Variants in GPC5 observed in about 807,000 individuals in gnomAD.
GPC5 encodes the protein glypican-5.
A neutral mutation model predicts 53.9 loss-of-function variants in GPC5; 47 were observed. That is an observed-to-expected ratio of 0.87 (90% CI 0.69 to 1.11). The LOEUF (loss-of-function observed/expected upper bound fraction) is 1.11, where lower values mean the gene tolerates loss of function less well. Ranked by LOEUF, GPC5 falls within the 50% of genes most tolerant of loss-of-function variation. The pLI is 0.00. For missense variants in GPC5, 748 were observed against 713.1 expected (o/e 1.05, Z -0.56); for synonymous variants, 286 against 263.3 (o/e 1.09, Z -0.84).
At chr13:92,171,007 T>C (rs1407553099) in intron 7 of GPC5, among the ~76,000 whole-genome samples, 2 of 152,154 alleles carry the variant, frequency 1.3e-5, no homozygotes, top group Non-Finnish European at 2.9e-5. Flanking sequence ...TCATGTACTG[T>C]GTAGAAGCTG....
At chr13:92,155,685 T>C (rs2041939332) in intron 7 of GPC5, among the ~76,000 whole-genome samples, 2 of 152,174 alleles carry the variant, frequency 1.3e-5, no homozygotes, top group African/African-American at 4.8e-5. Context: ...CTTAAGATAT[T>C]ATTAGTGGTG....
At chr13:92,863,939 G>A (rs1439070014) in intron 7 of GPC5, among the ~76,000 whole-genome samples, 1 of 152,118 alleles carries the variant, frequency 6.6e-6, no homozygotes, top group African/African-American at 2.4e-5. Context: ...GTGTGTTGCT[G>A]TTATGCATAT....
chr13:92,486,701 G>A (rs753148026), intron 7 of GPC5, among the ~76,000 whole-genome samples: 15 of 152,148 alleles, frequency 9.9e-5, no homozygotes, highest in Non-Finnish European at 1.5e-4. Context: ...AATATGAATC[G>A]TGCTCTACTG....
intron 3 of GPC5, among the ~76,000 whole-genome samples, chr13:91,702,080 C>T (rs977762092): frequency 3.3e-5 from 5 of 152,064 alleles, no homozygotes; most frequent in African/African-American, 1.2e-4. Flanking sequence ...CACCTCTTGG[C>T]CATTTGTATG....
chr13:91,730,456 G>C (rs928065447), intron 4 of GPC5, among the ~76,000 whole-genome samples: 1 of 151,936 alleles, frequency 6.6e-6, no homozygotes, highest in African/African-American at 2.4e-5. Flanking sequence ...ACTTCTATTC[G>C]AGCCTAGTCT....
chr13:92,271,369 T>C (rs989223021), intron 7 of GPC5, among the ~76,000 whole-genome samples: 8 of 152,214 alleles, frequency 5.3e-5, no homozygotes, highest in African/African-American at 1.9e-4. Context: ...AAATGAATAA[T>C]CTGTTTCTAA....
At chr13:92,315,275 G>A (rs781717057) in intron 7 of GPC5, among the ~76,000 whole-genome samples, 1 of 152,174 alleles carries the variant, frequency 6.6e-6, no homozygotes, top group Non-Finnish European at 1.5e-5. Flanking sequence ...TAATAGCAGT[G>A]GGACTGGGGA....
At chr13:92,041,040 CAG>C (rs1594739751) in intron 6 of GPC5, among the ~76,000 whole-genome samples, 1 of 151,900 alleles carries the variant, frequency 6.6e-6, no homozygotes, top group East Asian at 1.9e-4. Context: ...TTAGGAGAGA[CAG>C]GGTTTCACCA....
chr13:91,443,443 A>G (rs1254521737), intron 1 of GPC5, among the ~76,000 whole-genome samples: 1 of 152,154 alleles, frequency 6.6e-6, no homozygotes, highest in African/African-American at 2.4e-5. Flanking sequence ...GAACTGTGAG[A>G]AAATAAATTT....
chr13:91,972,319 G>A (rs1413897446), intron 6 of GPC5, among the ~76,000 whole-genome samples: 3 of 151,998 alleles, frequency 2.0e-5, no homozygotes, highest in Non-Finnish European at 2.9e-5. Context: ...CATTTTCTTA[G>A]TAGATCTTCC....
intron 7 of GPC5, among the ~76,000 whole-genome samples, chr13:92,656,609 T>G (rs1344158894): frequency 6.6e-6 from 1 of 152,224 alleles, no homozygotes; most frequent in Non-Finnish European, 1.5e-5. Flanking sequence ...TGCTTTTCTA[T>G]TCTTTCAAAT....
chr13:92,111,143 G>A (rs1397950060), intron 6 of GPC5, among the ~76,000 whole-genome samples: 1 of 152,118 alleles, frequency 6.6e-6, no homozygotes, highest in African/African-American at 2.4e-5. Context: ...TAATATAGAG[G>A]CTTCATGATA....
intron 7 of GPC5, among the ~76,000 whole-genome samples, chr13:92,220,351 A>G (rs2042439968): frequency 6.6e-6 from 1 of 152,212 alleles, no homozygotes; most frequent in African/African-American, 2.4e-5. Flanking sequence ...ACCATGTTTG[A>G]GTTAAAACAC....
chr13:91,977,947 TAAAA>T (rs775912784), intron 6 of GPC5, among the ~76,000 whole-genome samples: 3 of 92,704 alleles, frequency 3.2e-5, no homozygotes, highest in Non-Finnish European at 6.0e-5. Flanking sequence ...CCGCCATCTC[TAAAA>T]GAAAAAAGAA....
chr13:92,009,395 C>T (rs978907848), intron 6 of GPC5, among the ~76,000 whole-genome samples: 3 of 151,678 alleles, frequency 2.0e-5, no homozygotes, highest in African/African-American at 4.8e-5. Flanking sequence ...CTTGAATAGC[C>T]TTTGTTCTGA....
chr13:92,427,334 T>C (rs1311614524), intron 7 of GPC5, among the ~76,000 whole-genome samples: 1 of 149,040 alleles, frequency 6.7e-6, no homozygotes, highest in Non-Finnish European at 1.5e-5. Context: ...ACATACGAGA[T>C]AACTGGCTCT....
At chr13:91,866,082 G>A (rs2039081447) in intron 5 of GPC5, among the ~76,000 whole-genome samples, 1 of 152,100 alleles carries the variant, frequency 6.6e-6, no homozygotes, top group Non-Finnish European at 1.5e-5. Flanking sequence ...TGGTCAGGCT[G>A]GTCTCGAACT....
chr13:91,509,771 T>C (rs1885139430), intron 2 of GPC5, among the ~76,000 whole-genome samples: 2 of 152,184 alleles, frequency 1.3e-5, no homozygotes, highest in Admixed American at 1.3e-4. Flanking sequence ...ATGCTTTATA[T>C]TGGGCATTGG....
At chr13:92,400,939 C>T (rs775085910) in intron 7 of GPC5, among the ~76,000 whole-genome samples, 40 of 151,292 alleles carry the variant, frequency 2.6e-4, no homozygotes, top group African/African-American at 8.0e-4. Context: ...TTTTTGCCCC[C>T]TTGGGACAGG....
Sources: gnomAD v4.1 joint callset for allele counts (sites outside exome capture counted in the v4.1 genomes callset) on GRCh38, gnomAD v4.1.1 for gene constraint, MANE v1.5 for transcripts, NCBI Gene and HGNC (gene_info 2026-07-23, HGNC 2026-07-21) for gene names.